Variants in PCDHGB2 observed in about 807,000 individuals in gnomAD.
The protein encoded by PCDHGB2 is protocadherin gamma subfamily B, 2.
Under a neutral mutation model 59.3 loss-of-function variants are expected in PCDHGB2, and 55 were observed. The ratio of observed to expected loss-of-function variants is 0.93; its 90% CI spans 0.75 to 1.16. The LOEUF (loss-of-function observed/expected upper bound fraction) is 1.16. Ranked by LOEUF, PCDHGB2 falls within the 50% of genes most tolerant of loss-of-function variation. The probability of loss-of-function intolerance (pLI) is 0.00; values close to 1 mark genes in which losing one functional copy is unlikely to be tolerated. For missense variants in PCDHGB2, 1,228 were observed against 1,198.5 expected (o/e 1.02, Z -0.36); for synonymous variants, 516 against 512.0 (o/e 1.01, Z -0.11).
intron 1 of PCDHGB2, chr5:141,424,664 A>G (rs923488035): frequency 1.3e-5 from 2 of 152,124 alleles, no homozygotes; most frequent in African/African-American, 4.8e-5. Context: ...CTTTAATTAA[A>G]CTGATTTAGC....
At chr5:141,505,563 T>C in intron 3 of PCDHGB2, 82 bp downstream of exon 3, 1 of 1,603,814 alleles carries the variant, frequency 6.2e-7, no homozygotes, top group Non-Finnish European at 8.5e-7. Flanking sequence ...GCCCACGGAC[T>C]GGATGTCAAA....
chr5:141,366,189 G>C, intron 1 of PCDHGB2: 1 of 1,613,922 alleles, frequency 6.2e-7, no homozygotes, highest in Non-Finnish European at 8.5e-7. Context: ...TTTGCGGTTG[G>C]GCTGCACACG....
intron 1 of PCDHGB2, chr5:141,392,681 G>T: frequency 1.9e-6 from 2 of 1,026,496 alleles, no homozygotes; most frequent in Non-Finnish European, 2.7e-6. Flanking sequence ...CTGGACTGCA[G>T]CGAAACCCGA....
intron 2 of PCDHGB2, among the ~76,000 whole-genome samples, 170 bp from the exon 3 acceptor site, chr5:141,505,223 A>G (rs746167057): frequency 1.9e-4 from 29 of 152,176 alleles, no homozygotes; most frequent in Admixed American, 6.5e-5. Flanking sequence ...GACTTGTGGG[A>G]TTCTGGCTTC....
At chr5:141,399,598 G>A in intron 1 of PCDHGB2, 1 of 1,613,964 alleles carries the variant, frequency 6.2e-7, no homozygotes, top group Non-Finnish European at 8.5e-7. Context: ...CATGGCCAGC[G>A]ACCTAGAGCC....
intron 1 of PCDHGB2, among the ~76,000 whole-genome samples, chr5:141,363,018 G>T (rs1022427881): frequency 6.6e-6 from 1 of 152,216 alleles, no homozygotes; most frequent in Non-Finnish European, 1.5e-5. Context: ...GGCATGGGTA[G>T]GACATTGTCC....
intron 1 of PCDHGB2, chr5:141,427,985 C>T (rs747784722): frequency 3.1e-6 from 5 of 1,597,522 alleles, no homozygotes; most frequent in African/African-American, 2.7e-5. Context: ...CGCTGGGGCC[C>T]GATGGCTCCG....
intron 1 of PCDHGB2, chr5:141,400,377 A>G: frequency 1.2e-6 from 2 of 1,613,892 alleles, no homozygotes; most frequent in Non-Finnish European, 1.7e-6. Flanking sequence ...CCTACAACCT[A>G]TGTGTTGCAC....
At chr5:141,371,572 A>C (rs913644689) in intron 1 of PCDHGB2, 1 of 1,613,960 alleles carries the variant, frequency 6.2e-7, no homozygotes, top group Middle Eastern at 1.6e-4. Context: ...TTCCCCTTTA[A>C]AATCGTTCAA....
rs745833230 is a variant in PCDHGB2, at chr5:141,361,818, G to A, written c.1683G>A (p.Arg561=). ...LVGDLNDNAP[R]VLYPALGPDG... The stretch of plus-strand genomic sequence containing the variant: ...GCGACCTCAATGACAATGCGCCACG[G>A]GTGCTGTACCCCGCGCTGGGGCCTG... Residue 561 remains arginine, a synonymous_variant, in exon 1 of 4, where the codon CGG becomes CGA. Coordinates refer to ENST00000522605, the MANE Select transcript of PCDHGB2 (RefSeq NM_018923.3). 5.0e-6 allele frequency: 8 copies of A among 1,613,098 alleles called. No homozygotes were observed. The highest frequency in any genetic ancestry group is 6.8e-6 in the Non-Finnish European group (8 of 1,179,752).
rs2097403311 is a variant in PCDHGB2 at position 141,431,640 on chromosome 5, T to C, written c.2422-63167T>C. 6.2e-7 allele frequency: 1 copy of C among 1,614,094 alleles called. No individual in the cohort carries two copies. The highest frequency in any genetic ancestry group is 8.5e-7 in the Non-Finnish European group (1 of 1,180,040). On this transcript the variant is annotated intron_variant, in intron 1 of 3. Coordinates refer to ENST00000522605, the MANE Select transcript of PCDHGB2 (RefSeq NM_018923.3). This position sits in a 1 kb window ranked among gnomAD's most constrained non-coding sequence, Gnocchi z 4.8. ...GACAAGGCGGCCCAAGTTTTCAAACTAGATTGTAATTCAGGGACAATATCA... is the reference window on the plus strand; with the variant it reads ...GACAAGGCGGCCCAAGTTTTCAAACCAGATTGTAATTCAGGGACAATATCA...
rs748486683 is a variant in PCDHGB2, at chr5:141,374,702, G to A, written c.2421+12146G>A. 8 of 1,609,096 alleles carry A rather than the reference G, an allele frequency of 5.0e-6. No homozygotes were observed. In the Admixed American group the frequency reaches 5.1e-5, roughly 10 times the overall value. ...CACACTGGACCGGGAAGGAGAAGCCGTTTACCGCCTGGTCCTTACTGCCAT... is the reference window on the plus strand; with the variant it reads ...CACACTGGACCGGGAAGGAGAAGCCATTTACCGCCTGGTCCTTACTGCCAT... On this transcript the variant is annotated intron_variant, in intron 1 of 3. Transcript: ENST00000522605.
At chr5:141,414,679 G>A in intron 1 of PCDHGB2, 1 of 1,613,960 alleles carries the variant, frequency 6.2e-7, no homozygotes. Flanking sequence ...CACCATCCAG[G>A]GGGTACCTCT....
intron 1 of PCDHGB2, among the ~76,000 whole-genome samples, chr5:141,436,374 G>C (rs2154557079): frequency 6.6e-6 from 1 of 152,248 alleles, no homozygotes; most frequent in East Asian, 1.9e-4. Context: ...TCCAGTTTAA[G>C]CTGAATAGGC....
rs1562150111 is a variant in PCDHGB2, at chr5:141,491,805, T to G, written c.2422-3002T>G. 1 of 1,495,892 alleles carries G rather than the reference T, an allele frequency of 6.7e-7. No homozygotes were observed. 92.7% of individuals were successfully genotyped at this position (1,495,892 alleles called of 1,614,324 possible). A position where few individuals can be genotyped will look rare whatever the true frequency, so the allele number is the denominator to read the frequency against. On this transcript the variant is annotated intron_variant, in intron 1 of 3. Coordinates refer to ENST00000522605, the MANE Select transcript of PCDHGB2 (RefSeq NM_018923.3). This position sits in a 1 kb window ranked among gnomAD's most constrained non-coding sequence, Gnocchi z 6.9. ...TGCATCCACTCCTCTCCGGCCGGCT[T>G]GGTCGCTGGCTGCGCTCCACCCGAT... is the stretch of plus-strand genomic sequence containing the variant.
intron 1 of PCDHGB2, among the ~76,000 whole-genome samples, chr5:141,406,577 A>T (rs558329088): frequency 6.6e-6 from 1 of 152,274 alleles, no homozygotes; most frequent in South Asian, 2.1e-4. Context: ...TAGTAAACCA[A>T]TTTTTTCCCT....
Position 141,368,385 on chromosome 5 carries a change from A to T in PCDHGB2, c.2421+5829A>T, listed in dbSNP as rs535451348. Among the ~76,000 whole-genome samples the T allele has an allele frequency of 8.5e-5, 13 of 152,240 alleles. 1 individual carries two copies. The South Asian group carries it at 2.5e-3, about 29-fold the overall frequency. On this transcript the variant is annotated intron_variant, in intron 1 of 3. Coordinates refer to ENST00000522605, the MANE Select transcript of PCDHGB2 (RefSeq NM_018923.3). ...TACACACATATATATACACACATAC[A>T]CACACACAAACACACATACATACAC... is the stretch of plus-strand genomic sequence containing the variant.
In PCDHGB2 at chr5:141,486,432, G is replaced by T; in HGVS notation, c.2422-8375G>T. On this transcript the variant is annotated intron_variant, in intron 1 of 3. Coordinates refer to ENST00000522605, the MANE Select transcript of PCDHGB2 (RefSeq NM_018923.3). This position sits in a 1 kb window ranked among gnomAD's most constrained non-coding sequence, Gnocchi z 5.0. ...CCCTTGGATCGAGAGGCCAAATCTA[G>T]CTATGACATCATGGTCACTGCTTCT... 4 of 1,614,172 alleles carry T rather than the reference G, an allele frequency of 2.5e-6. No homozygotes were observed. Among genetic ancestry groups the T allele is most frequent in the Non-Finnish European group, 2.5e-6 (3 of 1,180,020 alleles).
intron 3 of PCDHGB2, chr5:141,508,275 T>G (rs1030431371): frequency 6.6e-6 from 1 of 152,138 alleles, no homozygotes. Context: ...ATCCCGGTCC[T>G]TGACCAAGGT....
Sources: gnomAD v4.1 joint callset for allele counts (sites outside exome capture counted in the v4.1 genomes callset) on GRCh38, gnomAD v4.1.1 for gene constraint, Gnocchi (gnomAD v3.1) non-coding constraint, MANE v1.5 for transcripts, NCBI Gene and HGNC (gene_info 2026-07-23, HGNC 2026-07-21) for gene names.